The following POGZ variants were observed in gnomAD, a reference collection of about 807,000 sequenced individuals.
POGZ encodes the protein pogo transposable element with ZNF domain.
POGZ carries 17 observed loss-of-function variants against 134.6 expected under a neutral mutation model. The ratio of observed to expected loss-of-function variants is 0.13; its 90% CI spans 0.09 to 0.19. The LOEUF (loss-of-function observed/expected upper bound fraction) is 0.19. Among genes scored for constraint, POGZ ranks in the 10% least tolerant of loss-of-function variants. The pLI, the probability that POGZ is intolerant of heterozygous loss-of-function variation, is 1.00. For missense variants in POGZ, 1,306 were observed against 1,769.7 expected, an observed-to-expected ratio of 0.74 and a Z score of 4.70; for synonymous variants, 693 against 657.1, an observed-to-expected ratio of 1.05 and a Z score of -0.84.
At chr1:151,430,104 C>G (rs770764558) in intron 4 of POGZ, among the ~76,000 whole-genome samples, 3 of 152,016 alleles carry the variant, frequency 2.0e-5, no homozygotes, top group Non-Finnish European at 4.4e-5. Context: ...AAAATTGTTC[C>G]CAAAGTCTAC....
At chr1:151,429,460 A>T (rs1293315268) in intron 5 of POGZ, 143 bp downstream of exon 5, 3 of 436,958 alleles carry the variant, frequency 6.9e-6, no homozygotes, top group East Asian at 7.2e-5. Context: ...CAGATTTTTT[A>T]AAATTGGGCT....
In POGZ at chr1:151,423,487, T is replaced by C. The variant is rs767873779; in HGVS notation, c.1588A>G (p.Thr530Ala). The change falls in exon 10 of 19, where the codon ACT becomes GCT. Residue 530 changes from threonine to alanine, a missense_variant. This residue lies in a region of POGZ where 541 missense variants were observed against 680.5 expected (regional missense o/e 0.80). Coordinates refer to ENST00000271715, the MANE Select transcript of POGZ (RefSeq NM_015100.4). Reference sequence around the variant, plus strand: ...TGGCGGTAACAGTGCTGGCAGATAGTGTGACCATCTACCTCACCGTTCTGC... The same window carrying C: ...TGGCGGTAACAGTGCTGGCAGATAGCGTGACCATCTACCTCACCGTTCTGC... ...DQQNGEVDGH[T>A]ICQHCYRQFS... 1.9e-6 allele frequency: 3 copies of C among 1,613,824 alleles called. No individual in the cohort carries two copies. The highest frequency in any genetic ancestry group is 2.5e-6 in the Non-Finnish European group (3 of 1,179,672).
At chr1:151,441,186 AG>A in intron 2 of POGZ, 100 bp from the exon 3 acceptor site, 3 of 911,646 alleles carry the variant, frequency 3.3e-6, no homozygotes, top group African/African-American at 1.7e-5. Flanking sequence ...GGGTCTCTAT[AG>A]CCAAAAAGTT....
chr1:151,424,054 T>C lies in POGZ; in HGVS notation c.1418A>G (p.Tyr473Cys). ...TACTTTGCCACCATCCCGTCCATAG[T>C]AGAAGTCATCTACAAGCATAATGAG... ...TKLIMLVDDF[Y>C]YGRDGGKVAQ... is the part of the protein sequence containing the mutation. Residue 473 changes from tyrosine to cysteine, a missense_variant, in exon 9 of 19, where the codon TAC becomes TGC. Transcript: ENST00000271715. 6.2e-7 allele frequency: 1 copy of C among 1,614,148 alleles called. No homozygotes were observed. The highest frequency in any genetic ancestry group is 8.5e-7 in the Non-Finnish European group (1 of 1,180,016).
At position 151,405,435 on chromosome 1, in the gene POGZ, A is replaced by T; in HGVS notation, c.3600T>A (p.Ser1200Arg). The change falls in exon 19 of 19, where the codon AGT (serine) becomes AGA (arginine). Residue 1200 changes from serine to arginine, a missense_variant. By Grantham distance (110) the Ser-to-Arg change is moderately radical (BLOSUM62 -1). Coordinates refer to ENST00000271715, the MANE Select transcript of POGZ (RefSeq NM_015100.4). The surrounding 1 kb of genome is among the most constrained non-coding windows in gnomAD (Gnocchi z 4.9). ...ILLEAKESGY[S>R]DDEIMELWST... ...ACCACAGCTCCATGATCTCGTCATC[A>T]CTGTAGCCACTCTCCTTTGCCTCTA... The T allele has an allele frequency of 6.2e-7, 1 of 1,614,106 alleles. No individual in the cohort carries two copies. The highest frequency in any genetic ancestry group is 1.1e-5 in the South Asian group (1 of 91,082).
At chr1:151,451,182 G>C (rs1377988101) in intron 1 of POGZ, 1 of 150,244 alleles carries the variant, frequency 6.7e-6, no homozygotes, top group Admixed American at 7.2e-5. Context: ...ATAAACTACT[G>C]ACTAATAATT....
intron 3 of POGZ, among the ~76,000 whole-genome samples, chr1:151,439,798 C>A (rs890975084): frequency 1.3e-5 from 2 of 152,166 alleles, no homozygotes; most frequent in African/African-American, 4.8e-5. Context: ...ACTGTGATGA[C>A]CTTTGAGCCA....
At chr1:151,434,200 C>A (rs1286701862) in intron 3 of POGZ, among the ~76,000 whole-genome samples, 2 of 152,276 alleles carry the variant, frequency 1.3e-5, no homozygotes, top group Admixed American at 6.5e-5. Context: ...ATCCCAGCTA[C>A]CTGAGTGACT....
At chr1:151,418,532 C>T (rs1656200613) in intron 10 of POGZ, among the ~76,000 whole-genome samples, 1 of 152,000 alleles carries the variant, frequency 6.6e-6, no homozygotes. Flanking sequence ...AGTAGGGTGA[C>T]TATAGTTTAC....
At chr1:151,441,502 A>G (rs2102367078) in intron 2 of POGZ, among the ~76,000 whole-genome samples, 1 of 152,332 alleles carries the variant, frequency 6.6e-6, no homozygotes, top group East Asian at 1.9e-4. Context: ...AGGAAAGATA[A>G]AAATATAGAG....
At chr1:151,457,649 G>A (rs929085188) in intron 1 of POGZ, among the ~76,000 whole-genome samples, 2 of 152,154 alleles carry the variant, frequency 1.3e-5, no homozygotes, top group East Asian at 1.9e-4. Flanking sequence ...AAACCCGGCC[G>A]GGCGCGGTGG....
Position 151,404,704 on chromosome 1 carries a change from C to T in POGZ, c.*98G>A, listed in dbSNP as rs1653246827. On this transcript the variant is annotated 3_prime_UTR_variant, in exon 19 of 19. Transcript: ENST00000271715. The stretch of plus-strand genomic sequence containing the variant: ...GTGGTATAAAATTAAAAAATAGAAA[C>T]CAAATACCCCACCTGGTATGCCCCC... 6.9e-7 allele frequency: 1 copy of T among 1,450,100 alleles called. No individual in the cohort carries two copies. Among genetic ancestry groups the T allele is most frequent in the Non-Finnish European group, 9.1e-7 (1 of 1,103,468 alleles). 89.8% of individuals were successfully genotyped at this position (1,450,100 alleles called of 1,614,324 possible). A position where few individuals can be genotyped will look rare whatever the true frequency, so the allele number is the denominator to read the frequency against.
intron 1 of POGZ, among the ~76,000 whole-genome samples, chr1:151,455,886 GTTTC>G (rs1019447903): frequency 3.6e-5 from 5 of 139,030 alleles, no homozygotes; most frequent in Non-Finnish European, 6.0e-5. Context: ...ACAAACGGTA[GTTTC>G]TTTCTTTTTT....
intron 10 of POGZ, among the ~76,000 whole-genome samples, chr1:151,420,790 CTCAT>C (rs1222305161): frequency 1.3e-5 from 2 of 151,928 alleles, no homozygotes; most frequent in Non-Finnish European, 2.9e-5. Context: ...TGACGAATAT[CTCAT>C]TAATTTTAAA....
Position 151,424,280 on chromosome 1 carries a change from A to C in POGZ, c.1192T>G (p.Cys398Gly). ...EALRGHMCYC[C>G]PEMVEYQKKG... ...TTCTGGTATTCAACCATTTCTGGGC[A>C]ACAGTACTATAAAGAAAGACATCTG... The change falls in exon 9 of 19, where the codon TGC becomes GGC. Residue 398 changes from cysteine (C) to glycine (G), a missense_variant. Cys to Gly is a radical substitution (Grantham distance 159). Around this residue, in one of 10 missense-constraint regions of POGZ, gnomAD observed 541 missense variants for 680.5 expected, o/e 0.80. Transcript: ENST00000271715. The C allele has an allele frequency of 6.3e-7, 1 of 1,579,110 alleles. No homozygotes were observed. The highest frequency in any genetic ancestry group is 1.4e-5 in the African/African-American group (1 of 73,852).
chr1:151,446,925 G>A (rs1259595993), intron 1 of POGZ, among the ~76,000 whole-genome samples: 2 of 152,012 alleles, frequency 1.3e-5, no homozygotes, highest in Non-Finnish European at 2.9e-5. Context: ...AAAAAAGTTA[G>A]ACATGTATTC....
chr1:151,428,550 A>G, intron 5 of POGZ, 137 bp from the exon 6 acceptor site: 1 of 755,290 alleles, frequency 1.3e-6, no homozygotes, highest in Non-Finnish European at 2.2e-6. Context: ...TATAGATTCT[A>G]AAGACTAAGA....
chr1:151,418,191 G>A (rs1456492770), intron 10 of POGZ, among the ~76,000 whole-genome samples: 1 of 151,610 alleles, frequency 6.6e-6, no homozygotes, highest in Admixed American at 6.6e-5. Flanking sequence ...ACCTCAGCCT[G>A]AGCGACATAG....
In POGZ at chr1:151,424,065, T is replaced by C; in HGVS notation, c.1407A>G (p.Val469=). ...CATCCCGTCCATAGTAGAAGTCATC[T>C]ACAAGCATAATGAGTTTGGTCTGGA... ...DAVQTKLIML[V]DDFYYGRDGG... Residue 469 remains valine (V), a synonymous_variant, in exon 9 of 19, where the codon GTA becomes GTG. Coordinates refer to ENST00000271715, the MANE Select transcript of POGZ (RefSeq NM_015100.4). The C allele has an allele frequency of 6.2e-7, 1 of 1,614,204 alleles. No individual in the cohort carries two copies. Among genetic ancestry groups the C allele is most frequent in the Non-Finnish European group, 8.5e-7 (1 of 1,180,024 alleles).
Sources: gnomAD v4.1 joint callset for allele counts (sites outside exome capture counted in the v4.1 genomes callset) on GRCh38, gnomAD v4.1.1 for gene constraint, gnomAD v4.1.1 regional missense constraint, Gnocchi (gnomAD v3.1) non-coding constraint, MANE v1.5 for transcripts, NCBI Gene and HGNC (gene_info 2026-07-23, HGNC 2026-07-21) for gene names.